Variants in CHGB observed in about 807,000 individuals in gnomAD.
CHGB encodes the protein secretogranin-1.
A neutral mutation model predicts 69.9 loss-of-function variants in CHGB; 46 were observed. That is an observed-to-expected ratio of 0.66 (90% CI 0.52 to 0.84). The LOEUF (loss-of-function observed/expected upper bound fraction) is 0.84, where lower values mean the gene tolerates loss of function less well. Among genes scored for constraint, CHGB ranks in the 40% least tolerant of loss-of-function variants. The pLI is 0.00. For synonymous variants in CHGB, 312 were observed against 298.2 expected, an observed-to-expected ratio of 1.05 and a Z score of -0.48; for missense variants, 796 against 822.2, an observed-to-expected ratio of 0.97 and a Z score of 0.39.
At position 5,923,723 on chromosome 20, in the gene CHGB, G is replaced by GA. The variant is rs776048064; in HGVS notation, c.1580dup (p.Asp527GlufsTer11). The GA allele has an allele frequency of 1.2e-6, 2 of 1,614,122 alleles. No homozygotes were observed. Among genetic ancestry groups the GA allele is most frequent in the Non-Finnish European group, 1.7e-6 (2 of 1,180,028 alleles). Reference sequence around the variant, plus strand: ...AGGGGAACTGTTCAACCCATACTACGACCCTCTCCAGTGGAAGAGCAGCCA... The same window carrying GA: ...AGGGGAACTGTTCAACCCATACTACGAACCCTCTCCAGTGGAAGAGCAGCCA... On this transcript the variant is annotated frameshift_variant, in exon 4 of 5. Coordinates refer to ENST00000378961, the MANE Select transcript of CHGB (RefSeq NM_001819.3). LOFTEE classifies it high-confidence loss of function.
intron 3 of CHGB, chr20:5,917,151 A>C: frequency 1.8e-6 from 1 of 541,278 alleles, no homozygotes. Context: ...TCTTTTCCTC[A>C]AAGTAAAATG....
chr20:5,924,301 C>T (rs1600215584), intron 4 of CHGB, among the ~76,000 whole-genome samples: 3 of 152,208 alleles, frequency 2.0e-5, no homozygotes, highest in Admixed American at 2.0e-4. Flanking sequence ...GTCCACCTCA[C>T]TCGGTTGCAT....
chr20:5,923,044 C>G lies in CHGB; in HGVS notation c.900C>G (p.Pro300=). ...PDRSSQGGSL[P]SEEKGHPQEE... is the part of the protein sequence containing the mutation. ...GGTCCTCTCAAGGAGGGAGTCTTCCCTCTGAGGAAAAGGGACACCCCCAGG... is the reference window on the plus strand; with the variant it reads ...GGTCCTCTCAAGGAGGGAGTCTTCCGTCTGAGGAAAAGGGACACCCCCAGG... Residue 300 remains proline, a synonymous_variant, in exon 4 of 5, where the codon CCC becomes CCG. Transcript: ENST00000378961. 1.9e-6 allele frequency: 3 copies of G among 1,613,774 alleles called. No individual in the cohort carries two copies. The highest frequency in any genetic ancestry group is 1.7e-6 in the Non-Finnish European group (2 of 1,179,866).
chr20:5,920,471 A>C (rs1346666503), intron 3 of CHGB, among the ~76,000 whole-genome samples: 1 of 152,188 alleles, frequency 6.6e-6, no homozygotes, highest in Non-Finnish European at 1.5e-5. Context: ...GTGTCTTATG[A>C]GGGCCCACTT....
chr20:5,918,790 T>C (rs1287343967), intron 3 of CHGB, among the ~76,000 whole-genome samples: 2 of 112,210 alleles, frequency 1.8e-5, no homozygotes, highest in Admixed American at 2.8e-4. Flanking sequence ...CCAGCCTCAG[T>C]GACAGAGCGA....
chr20:5,915,716 G>C (rs1275229219), intron 1 of CHGB: 2 of 150,996 alleles, frequency 1.3e-5, no homozygotes, highest in African/African-American at 4.9e-5. Context: ...ATTAGACTTA[G>C]TTTGGTTTAA....
At position 5,922,895 on chromosome 20, in the gene CHGB, C is replaced by T; in HGVS notation, c.751C>T (p.Gln251Ter). 6.2e-7 allele frequency: 1 copy of T among 1,613,676 alleles called. No individual in the cohort carries two copies. The highest frequency in any genetic ancestry group is 8.5e-7 in the Non-Finnish European group (1 of 1,179,854). ...GACAGGGAGCCAGGAGAATCACCCC[C>T]AGGAGTCTAAAGGCCAACCCCGAAG... The part of the protein sequence containing the change: ...EETGSQENHP[Q>*]ESKGQPRSQE... The change falls in exon 4 of 5, where the codon CAG (glutamine) becomes TAG (stop). Residue 251 changes from glutamine (Q) to a stop codon, truncating the protein, a stop_gained. Coordinates refer to ENST00000378961, the MANE Select transcript of CHGB (RefSeq NM_001819.3). LOFTEE classifies it high-confidence loss of function.
chr20:5,919,530 C>T (rs1335213554), intron 3 of CHGB, among the ~76,000 whole-genome samples: 1 of 152,094 alleles, frequency 6.6e-6, no homozygotes, highest in Non-Finnish European at 1.5e-5. Flanking sequence ...AGCTCTAAAC[C>T]CGTTATGGAG....
At chr20:5,916,471 T>G in intron 2 of CHGB, 99 bp downstream of exon 2, 1 of 1,064,326 alleles carries the variant, frequency 9.4e-7, no homozygotes, top group East Asian at 2.6e-5. Context: ...TGACATAATC[T>G]TACAAAGCCA....
intron 1 of CHGB, among the ~76,000 whole-genome samples, chr20:5,913,482 C>T (rs2088457423): frequency 6.6e-6 from 1 of 152,118 alleles, no homozygotes; most frequent in African/African-American, 2.4e-5. Context: ...TTCACTTATC[C>T]TTAAGAACTT....
chr20:5,913,970 T>G (rs1345101878), intron 1 of CHGB, among the ~76,000 whole-genome samples: 1 of 152,180 alleles, frequency 6.6e-6, no homozygotes, highest in African/African-American at 2.4e-5. Flanking sequence ...CTTATTTAAC[T>G]TATTTTACAG....
intron 3 of CHGB, among the ~76,000 whole-genome samples, chr20:5,919,808 C>A (rs913448692): frequency 1.3e-5 from 2 of 152,302 alleles, no homozygotes; most frequent in South Asian, 4.1e-4. Context: ...TTTATACAGC[C>A]TCTGTTCCAC....
chr20:5,916,400 T>C (rs1247000629), intron 2 of CHGB, 28 bp downstream of exon 2: 16 of 1,586,888 alleles, frequency 1.0e-5, no homozygotes, highest in Non-Finnish European at 1.3e-5. Flanking sequence ...TCTTAGAATC[T>C]AGACTTGTGT....
At chr20:5,921,492 A>G (rs112143333) in intron 3 of CHGB, among the ~76,000 whole-genome samples, 4 of 152,322 alleles carry the variant, frequency 2.6e-5, no homozygotes, top group African/African-American at 9.6e-5. Flanking sequence ...GTTAAGGAGG[A>G]CTTAGTAAAG....
chr20:5,912,194 A>T (rs1394135801), intron 1 of CHGB, among the ~76,000 whole-genome samples: 2 of 152,158 alleles, frequency 1.3e-5, no homozygotes, highest in Non-Finnish European at 2.9e-5. Flanking sequence ...TATATATAAG[A>T]TATATCCCTT....
intron 1 of CHGB, 121 bp downstream of exon 1, chr20:5,911,803 C>G: frequency 8.4e-6 from 8 of 954,918 alleles, no homozygotes; most frequent in African/African-American, 1.7e-5. Context: ...GAAGGTTTAC[C>G]TCTTGCTTCG....
intron 3 of CHGB, 123 bp from the exon 4 acceptor site, chr20:5,922,212 T>A (rs906070946): frequency 3.9e-6 from 5 of 1,296,564 alleles, no homozygotes; most frequent in Non-Finnish European, 5.1e-6. Flanking sequence ...ATATTCTTCA[T>A]TAACTTAAAT....
In CHGB at chr20:5,922,501, C is replaced by T; in HGVS notation, c.357C>T (p.Asp119=). The T allele has an allele frequency of 6.2e-7, 1 of 1,613,230 alleles. No homozygotes were observed. The highest frequency in any genetic ancestry group is 8.5e-7 in the Non-Finnish European group (1 of 1,179,484). ...EEDIQGPTKA[D]TEKWAEGGGH... ...ACATCCAAGGCCCAACAAAGGCAGA[C>T]ACAGAGAAATGGGCAGAGGGAGGCG... The change falls in exon 4 of 5, where the codon GAC becomes GAT. Residue 119 remains aspartate, a synonymous_variant. Transcript: ENST00000378961.
chr20:5,916,358 C>T lies in CHGB; in HGVS notation c.82C>T (p.His28Tyr). 2 of 1,613,214 alleles carry T rather than the reference C, an allele frequency of 1.2e-6. No individual in the cohort carries two copies. Among genetic ancestry groups the T allele is most frequent in the Non-Finnish European group, 1.7e-6 (2 of 1,179,320 alleles). The part of the protein sequence containing the change: ...VNSMPVDNRN[H>Y]NEGMVTRCII... ...TTCCATGCCAGTGGATAACAGGAAC[C>T]ACAATGAAGGAATGGTAAGTTGCAA... Residue 28 changes from histidine (H) to tyrosine (Y), a missense_variant, in exon 2 of 5, where the codon CAC becomes TAC. Coordinates refer to ENST00000378961, the MANE Select transcript of CHGB (RefSeq NM_001819.3).
Sources: gnomAD v4.1 joint callset for allele counts (sites outside exome capture counted in the v4.1 genomes callset) on GRCh38, gnomAD v4.1.1 for gene constraint, MANE v1.5 for transcripts, NCBI Gene and HGNC (gene_info 2026-07-23, HGNC 2026-07-21) for gene names.